The following BAHCC1 variants were observed in gnomAD, a reference collection of about 807,000 sequenced individuals.
The protein encoded by BAHCC1 is BAH and coiled-coil domain-containing protein 1.
In BAHCC1, 43 loss-of-function variants were observed where a neutral mutation model predicts 88.2. The observed-to-expected ratio is 0.49, with a 90% CI of 0.38 to 0.63. BAHCC1 has a LOEUF of 0.63. Among genes scored for constraint, BAHCC1 ranks in the 20% least tolerant of loss-of-function variants. The pLI is 0.00. For missense variants in BAHCC1, 3,023 were observed against 1,654.8 expected, an observed-to-expected ratio of 1.83 and a Z score of -14.34; for synonymous variants, 1,510 against 745.5, an observed-to-expected ratio of 2.03 and a Z score of -16.71.
chr17:81,397,577 G>A (rs1202947969), intron 1 of BAHCC1, among the ~76,000 whole-genome samples: 1 of 151,986 alleles, frequency 6.6e-6, no homozygotes, highest in East Asian at 1.9e-4. Flanking sequence ...CCCGCCCGGC[G>A]CCCTCCGGGG....
At position 81,459,522 on chromosome 17, in the gene BAHCC1, C is replaced by T; in HGVS notation, c.5823C>T (p.Ser1941=). The change falls in exon 23 of 28, where the codon AGC becomes AGT. Residue 1941 remains serine, a synonymous_variant. Coordinates refer to ENST00000675386, the MANE Select transcript of BAHCC1 (RefSeq NM_001377448.1). ...TTCTCGATGTGCGGCCACAGTCCAG[C>T]CGGTACCTCCCGCCCGGCACGCGGG... ...EAVLDVRPQS[S]RYLPPGTRVC... The T allele has an allele frequency of 2.6e-6, 2 of 779,590 alleles. No individual in the cohort carries two copies. Among genetic ancestry groups the T allele is most frequent in the Admixed American group, 3.4e-5 (2 of 59,036 alleles). 48.3% of individuals were successfully genotyped at this position (779,590 alleles called of 1,614,324 possible). A position where few individuals can be genotyped will look rare whatever the true frequency, so the allele number is the denominator to read the frequency against.
intron 1 of BAHCC1, among the ~76,000 whole-genome samples, chr17:81,397,606 G>A (rs563931723): frequency 1.3e-5 from 2 of 152,118 alleles, no homozygotes; most frequent in South Asian, 4.1e-4. Flanking sequence ...GCGCCGGCCG[G>A]GGCTGGGGGC....
chr17:81,418,767 G>A (rs943251772), intron 2 of BAHCC1, among the ~76,000 whole-genome samples: 15 of 94,434 alleles, frequency 1.6e-4, no homozygotes, highest in East Asian at 1.1e-3. Flanking sequence ...GTGTGTGTAC[G>A]TGTGTGTACG....
At chr17:81,449,139 C>G (rs782446906) in intron 11 of BAHCC1, among the ~76,000 whole-genome samples, 1 of 152,142 alleles carries the variant, frequency 6.6e-6, no homozygotes, top group African/African-American at 2.4e-5. Context: ...CCACGTGTCC[C>G]GGGTGGTGGG....
At chr17:81,423,107 T>G (rs1319971377) in intron 2 of BAHCC1, among the ~76,000 whole-genome samples, 1 of 151,860 alleles carries the variant, frequency 6.6e-6, no homozygotes, top group Non-Finnish European at 1.5e-5. Flanking sequence ...GGCCTGGCCC[T>G]GCTCCACAGT....
intron 3 of BAHCC1, among the ~76,000 whole-genome samples, chr17:81,433,781 C>T (rs570584293): frequency 2.6e-5 from 4 of 152,144 alleles, no homozygotes; most frequent in African/African-American, 7.2e-5. Context: ...AGCCATCATC[C>T]GTCAACTACA....
At chr17:81,414,522 TC>T (rs1194045871) in intron 2 of BAHCC1, among the ~76,000 whole-genome samples, 1 of 152,108 alleles carries the variant, frequency 6.6e-6, no homozygotes, top group African/African-American at 2.4e-5. Flanking sequence ...ATCTACCCCA[TC>T]CCAGAGGTCC....
chr17:81,425,036 G>A (rs1397525945), intron 2 of BAHCC1, among the ~76,000 whole-genome samples: 2 of 141,450 alleles, frequency 1.4e-5, no homozygotes, highest in African/African-American at 2.6e-5. Flanking sequence ...GGTTGGGGGT[G>A]ATAGTGGTGG....
chr17:81,441,467 C>G (rs1427587740), intron 4 of BAHCC1, among the ~76,000 whole-genome samples: 1 of 152,122 alleles, frequency 6.6e-6, no homozygotes, highest in Non-Finnish European at 1.5e-5. Flanking sequence ...TCGAGACCAT[C>G]CTGGCTAACA....
chr17:81,438,925 G>A (rs1394931089), intron 4 of BAHCC1, among the ~76,000 whole-genome samples: 2 of 152,076 alleles, frequency 1.3e-5, no homozygotes, highest in Non-Finnish European at 2.9e-5. Context: ...TTACACACCC[G>A]GTGGCCTCGG....
chr17:81,452,410 G>T (rs1158006349), intron 13 of BAHCC1, among the ~76,000 whole-genome samples: 1 of 152,000 alleles, frequency 6.6e-6, no homozygotes, highest in Non-Finnish European at 1.5e-5. Context: ...GGCAGAAGGG[G>T]GAGTAGGGAG....
At chr17:81,449,330 C>A (rs1326498250) in intron 11 of BAHCC1, among the ~76,000 whole-genome samples, 10 of 148,342 alleles carry the variant, frequency 6.7e-5, no homozygotes, top group Non-Finnish European at 1.2e-4. Flanking sequence ...ATGGGCAGGT[C>A]TCTGCAGCTG....
Position 81,443,899 on chromosome 17 carries a change from G to A in BAHCC1, c.2306G>A (p.Ser769Asn). The change falls in exon 6 of 28, where the codon AGC (serine) becomes AAC (asparagine). Residue 769 changes from serine (S) to asparagine (N), a missense_variant. Transcript: ENST00000675386. ...RLCDDRLGLA[S>N]RELLLQDSKD... Reference sequence around the variant, plus strand: ...TGTGATGACCGCCTGGGGCTTGCCAGCCGCGAGCTGCTGCTGCAGTGAGAG... The same window carrying A: ...TGTGATGACCGCCTGGGGCTTGCCAACCGCGAGCTGCTGCTGCAGTGAGAG... The A allele has an allele frequency of 1.4e-6, 1 of 711,992 alleles. No individual in the cohort carries two copies. The highest frequency in any genetic ancestry group is 2.6e-6 in the Non-Finnish European group (1 of 384,828). 44.1% of individuals were successfully genotyped at this position (711,992 alleles called of 1,614,324 possible). A position where few individuals can be genotyped will look rare whatever the true frequency, so the allele number is the denominator to read the frequency against.
Position 81,442,681 on chromosome 17 carries a change from G to A in BAHCC1, c.1332G>A (p.Leu444=). Residue 444 remains leucine (L), a synonymous_variant, in exon 5 of 28, where the codon CTG becomes CTA. Coordinates refer to ENST00000675386, the MANE Select transcript of BAHCC1 (RefSeq NM_001377448.1). ...AAPYGVSYAH[L]KAEGKGERRP... is the part of the protein sequence containing the mutation. ...CCTATGGAGTCTCCTATGCCCACCT[G>A]AAGGCCGAGGGCAAGGGCGAGCGGC... is the stretch of plus-strand genomic sequence containing the variant. 1.3e-6 allele frequency: 1 copy of A among 774,116 alleles called. No individual in the cohort carries two copies. Among genetic ancestry groups the A allele is most frequent in the Non-Finnish European group, 2.4e-6 (1 of 415,578 alleles). The allele number at this position is 774,116 out of a possible 1,614,324, so 48.0% of individuals were successfully genotyped here. A position where few individuals can be genotyped will look rare whatever the true frequency, so the allele number is the denominator to read the frequency against.
intron 11 of BAHCC1, among the ~76,000 whole-genome samples, chr17:81,450,536 C>T (rs896172996): frequency 2.0e-5 from 3 of 152,164 alleles, no homozygotes; most frequent in Non-Finnish European, 2.9e-5. Context: ...CCAGAGGATG[C>T]GGCCCTGGCA....
At chr17:81,432,092 A>G (rs2064267193) in intron 3 of BAHCC1, among the ~76,000 whole-genome samples, 2 of 152,148 alleles carry the variant, frequency 1.3e-5, no homozygotes, top group Non-Finnish European at 2.9e-5. Context: ...TGCCACACCC[A>G]TGAGAACAGC....
intron 3 of BAHCC1, among the ~76,000 whole-genome samples, chr17:81,429,632 C>T (rs890166023): frequency 6.6e-6 from 1 of 152,114 alleles, no homozygotes; most frequent in African/African-American, 2.4e-5. Flanking sequence ...GCACGCGACT[C>T]GGCCGGAGAG....
intron 10 of BAHCC1, 51 bp from the exon 11 acceptor site, chr17:81,446,985 C>T (rs2064540709): frequency 6.5e-6 from 5 of 772,856 alleles, no homozygotes; most frequent in Admixed American, 1.7e-5. Context: ...TCGCAGGACA[C>T]CCCCTCACCA....
At chr17:81,433,569 A>G (rs1340086926) in intron 3 of BAHCC1, among the ~76,000 whole-genome samples, 3 of 143,260 alleles carry the variant, frequency 2.1e-5, no homozygotes, top group Admixed American at 6.9e-5. Flanking sequence ...TGCTTAGGGC[A>G]GGTGTCATCA....
Sources: allele counts gnomAD v4.1 joint callset (sites outside exome capture counted in the v4.1 genomes callset), GRCh38; gene constraint gnomAD v4.1.1; transcripts MANE v1.5; gene names NCBI Gene and HGNC (gene_info 2026-07-23, HGNC 2026-07-21).